TEX2: variants seen among roughly 807,000 people sequenced by gnomAD.
TEX2 encodes the protein testis-expressed protein 2.
Under a neutral mutation model 106.9 loss-of-function variants are expected in TEX2, and 53 were observed. That is an observed-to-expected ratio of 0.50 (90% confidence interval 0.40 to 0.62). The LOEUF (loss-of-function observed/expected upper bound fraction) is 0.62, where lower values mean the gene tolerates loss of function less well. Among genes scored for constraint, TEX2 ranks in the 20% least tolerant of loss-of-function variants. TEX2 has a pLI of 0.00. For missense variants in TEX2, 1,207 were observed against 1,379.0 expected (o/e 0.88, Z 1.98); for synonymous variants, 523 against 534.8 (o/e 0.98, Z 0.30).
chr17:64,229,261 T>C (rs117664233), intron 1 of TEX2, among the ~76,000 whole-genome samples: 2,931 of 152,346 alleles, frequency 0.019, 50 homozygotes, highest in Middle Eastern at 0.034. Flanking sequence ...TGGTCAAGAC[T>C]GAATATTATT....
At chr17:64,222,449 CAG>C (rs2033384048) in intron 1 of TEX2, among the ~76,000 whole-genome samples, 1 of 146,926 alleles carries the variant, frequency 6.8e-6, no homozygotes, top group African/African-American at 2.5e-5. Context: ...ACCTGGGAGT[CAG>C]AGGTTGCAGT....
At chr17:64,193,422 G>T in intron 4 of TEX2, 137 bp downstream of exon 4, 1 of 643,370 alleles carries the variant, frequency 1.6e-6, no homozygotes, top group Non-Finnish European at 2.5e-6. Flanking sequence ...TGAGTCATGA[G>T]AATGCACATT....
At chr17:64,187,526 T>C (rs8080651) in intron 5 of TEX2, among the ~76,000 whole-genome samples, 149,150 of 152,240 alleles carry the variant, frequency 0.98, 73,071 homozygotes, top group East Asian at 1. Context: ...CCCACTCCTT[T>C]TTTCCCTCTA....
At chr17:64,233,975 G>C (rs1239498587) in intron 1 of TEX2, among the ~76,000 whole-genome samples, 1 of 152,210 alleles carries the variant, frequency 6.6e-6, no homozygotes, top group Non-Finnish European at 1.5e-5. Context: ...CCTAGGTACA[G>C]AGCTGGCCCC....
chr17:64,171,288 T>C, intron 6 of TEX2, 89 bp from the exon 7 acceptor site: 1 of 1,108,822 alleles, frequency 9.0e-7, no homozygotes, highest in East Asian at 2.5e-5. Context: ...GAGAGGATGG[T>C]GGCCAAGGTT....
chr17:64,228,126 A>G (rs1417648264), intron 1 of TEX2, among the ~76,000 whole-genome samples: 2 of 152,186 alleles, frequency 1.3e-5, no homozygotes, highest in Admixed American at 6.5e-5. Flanking sequence ...GTGAAATGAG[A>G]GAGTTGAACC....
At chr17:64,158,374 G>A (rs189387094) in intron 8 of TEX2, among the ~76,000 whole-genome samples, 5 of 152,352 alleles carry the variant, frequency 3.3e-5, no homozygotes, top group Admixed American at 6.5e-5. Context: ...TGCCAGGCAG[G>A]ACACCAGGGA....
At chr17:64,169,631 T>A (rs2031302959) in intron 7 of TEX2, among the ~76,000 whole-genome samples, 1 of 152,240 alleles carries the variant, frequency 6.6e-6, no homozygotes, top group African/African-American at 2.4e-5. Context: ...TGGAGAGATA[T>A]GCTAGAGCTG....
intron 7 of TEX2, among the ~76,000 whole-genome samples, chr17:64,166,541 G>A (rs2031147231): frequency 6.6e-6 from 1 of 152,202 alleles, no homozygotes; most frequent in Non-Finnish European, 1.5e-5. Context: ...ATGGCAGGGT[G>A]GATTGAGGCA....
intron 1 of TEX2, among the ~76,000 whole-genome samples, chr17:64,234,108 C>T (rs551981683): frequency 2.0e-5 from 3 of 152,226 alleles, no homozygotes; most frequent in East Asian, 3.9e-4. Context: ...AAAAAAGAAA[C>T]GTGAATGCAT....
chr17:64,247,663 G>A (rs946947503), intron 1 of TEX2, among the ~76,000 whole-genome samples: 9 of 152,186 alleles, frequency 5.9e-5, no homozygotes, highest in African/African-American at 1.7e-4. Flanking sequence ...CTTCTACCGT[G>A]AATTGGTCTC....
chr17:64,168,902 C>CTTTTTTTTTTTTTTTTTTT (rs3070736), intron 7 of TEX2, among the ~76,000 whole-genome samples: 1 of 106,968 alleles, frequency 9.3e-6, no homozygotes. Flanking sequence ...ATAGATGGTG[C>CTTTTTTTTTTTTTTTTTTT]TTTTTTTTTT....
At chr17:64,252,269 C>T (rs1457279029) in intron 1 of TEX2, among the ~76,000 whole-genome samples, 1 of 152,200 alleles carries the variant, frequency 6.6e-6, no homozygotes, top group African/African-American at 2.4e-5. Context: ...TCTTTCCCCC[C>T]ATTTCCCTTC....
At chr17:64,241,675 C>G (rs1365632879) in intron 1 of TEX2, among the ~76,000 whole-genome samples, 1 of 151,998 alleles carries the variant, frequency 6.6e-6, no homozygotes, top group Non-Finnish European at 1.5e-5. Context: ...ACTCTATCAC[C>G]CAGGCTGGAG....
At chr17:64,176,584 AC>A (rs1038386242) in intron 6 of TEX2, among the ~76,000 whole-genome samples, 4 of 152,108 alleles carry the variant, frequency 2.6e-5, no homozygotes, top group African/African-American at 7.2e-5. Context: ...ATTTTAAAGA[AC>A]CTCAAGATCC....
intron 1 of TEX2, among the ~76,000 whole-genome samples, chr17:64,219,574 C>A (rs1011961654): frequency 6.7e-6 from 1 of 149,310 alleles, no homozygotes; most frequent in Non-Finnish European, 1.5e-5. Context: ...GAATTACAGG[C>A]AAGCAGACCA....
chr17:64,203,907 T>C (rs1179957185), intron 2 of TEX2, among the ~76,000 whole-genome samples: 2 of 152,206 alleles, frequency 1.3e-5, no homozygotes, highest in Non-Finnish European at 2.9e-5. Flanking sequence ...TATCCTCCAG[T>C]GCAGAATCTC....
In TEX2 at chr17:64,213,549, C is replaced by T. The variant is rs144990420; in HGVS notation, c.669G>A (p.Thr223=). Residue 223 remains threonine (T), a synonymous_variant, in exon 2 of 12, where the codon ACG becomes ACA. Coordinates refer to ENST00000584379, the MANE Select transcript of TEX2 (RefSeq NM_001288732.2). The surrounding 1 kb of genome is among the most constrained non-coding windows in gnomAD (Gnocchi z 4.4). ...TATCCGACTCCTGCCGGGAAGTGTC[C>T]GTGGACAGAGACTTGACTAATGTCT... The part of the protein sequence containing the change: ...LMKTLVKSLS[T]DTSRQESDTV... 748 of 1,614,014 alleles carry T rather than the reference C, an allele frequency of 4.6e-4. 3 individuals are homozygous for T. The highest frequency in any genetic ancestry group is 2.7e-3 in the South Asian group (244 of 91,084).
chr17:64,204,271 A>G (rs2032761482), intron 2 of TEX2, among the ~76,000 whole-genome samples: 1 of 152,202 alleles, frequency 6.6e-6, no homozygotes, highest in South Asian at 2.1e-4. Flanking sequence ...AATAGAAATA[A>G]AGAGCAAAAG....
Sources: allele counts gnomAD v4.1 joint callset (sites outside exome capture counted in the v4.1 genomes callset), GRCh38; gene constraint gnomAD v4.1.1; non-coding constraint Gnocchi (gnomAD v3.1); transcripts MANE v1.5; gene names NCBI Gene and HGNC (gene_info 2026-07-23, HGNC 2026-07-21).